Variants in CYRIB observed in about 807,000 individuals in gnomAD.
CYRIB encodes CYFIP-related Rac1 interactor B.
A neutral mutation model predicts 44.2 loss-of-function variants in CYRIB; 8 were observed. The ratio of observed to expected loss-of-function variants is 0.18; its 90% CI spans 0.11 to 0.33. CYRIB has a LOEUF of 0.33. Ranked by LOEUF, CYRIB falls within the 10% of genes least tolerant of loss-of-function variation. CYRIB has a pLI of 1.00. For synonymous variants in CYRIB, 131 were observed against 127.2 expected, an observed-to-expected ratio of 1.03 and a Z score of -0.20; for missense variants, 185 against 382.8, an observed-to-expected ratio of 0.48 and a Z score of 4.31.
intron 2 of CYRIB, among the ~76,000 whole-genome samples, chr8:129,895,932 G>T (rs1302956048): frequency 2.0e-5 from 3 of 152,086 alleles, no homozygotes; most frequent in Admixed American, 6.5e-5. Flanking sequence ...TTTCACCTTG[G>T]ATTATTTTGT....
rs549636458 is a variant in CYRIB, at chr8:129,974,347, A to G, written c.-295-3352T>C. ...TGGAAGCCTATCTATCACCCCTACCAGAAACGTTGCTTATTTTAAGAAGAA... is the reference window on the plus strand; with the variant it reads ...TGGAAGCCTATCTATCACCCCTACCGGAAACGTTGCTTATTTTAAGAAGAA... On this transcript the variant is annotated intron_variant, in intron 1 of 14. Transcript: ENST00000401979. 3.3e-5 allele frequency among the ~76,000 whole-genome samples: 5 copies of G among 152,296 alleles called. 1 individual carries two copies. The highest frequency in any genetic ancestry group is 1.2e-4 in the African/African-American group (5 of 41,582).
intron 1 of CYRIB, among the ~76,000 whole-genome samples, chr8:129,939,179 G>C (rs912243580): frequency 2.6e-5 from 4 of 151,982 alleles, no homozygotes; most frequent in Non-Finnish European, 5.9e-5. Context: ...AGCTGGGGAC[G>C]GGAACAGGGG....
chr8:129,949,696 C>G (rs567190649), intron 2 of CYRIB, among the ~76,000 whole-genome samples: 54 of 151,570 alleles, frequency 3.6e-4, no homozygotes, highest in African/African-American at 1.3e-3. Flanking sequence ...ATAGAGAAAC[C>G]CTGTCTCTAC....
chr8:129,935,511 ACAGGAGGC>A (rs2092638100), intron 1 of CYRIB, among the ~76,000 whole-genome samples: 1 of 152,212 alleles, frequency 6.6e-6, no homozygotes, highest in South Asian at 2.1e-4. Flanking sequence ...CGCTGATCTA[ACAGGAGGC>A]AGACCTCAGG....
At chr8:129,965,593 G>C (rs1190586546) in intron 2 of CYRIB, among the ~76,000 whole-genome samples, 1 of 151,790 alleles carries the variant, frequency 6.6e-6, no homozygotes, top group Non-Finnish European at 1.5e-5. Flanking sequence ...TCAGGAGATC[G>C]AGACCGTCCT....
intron 1 of CYRIB, among the ~76,000 whole-genome samples, chr8:130,000,809 G>T (rs1409372150): frequency 6.6e-6 from 1 of 152,036 alleles, no homozygotes; most frequent in Non-Finnish European, 1.5e-5. Context: ...TGGAGCTCAG[G>T]AGTTAGAGGC....
chr8:129,977,646 C>T (rs1341199700), intron 1 of CYRIB, among the ~76,000 whole-genome samples: 1 of 152,100 alleles, frequency 6.6e-6, no homozygotes, highest in Non-Finnish European at 1.5e-5. Context: ...ATTCTCCTGC[C>T]TCAGCCTCCC....
chr8:129,873,958 G>A (rs2058258471), intron 3 of CYRIB, among the ~76,000 whole-genome samples: 1 of 151,976 alleles, frequency 6.6e-6, no homozygotes, highest in Admixed American at 6.6e-5. Context: ...CTATAGAAAT[G>A]AAGACAAACA....
chr8:129,967,480 C>T (rs541708756), intron 2 of CYRIB, among the ~76,000 whole-genome samples: 7 of 151,686 alleles, frequency 4.6e-5, no homozygotes, highest in African/African-American at 1.5e-4. Context: ...CCCAGGTTCA[C>T]GCCATTCTCC....
At chr8:129,956,318 GAACTT>G (rs1460472576) in intron 2 of CYRIB, among the ~76,000 whole-genome samples, 9 of 152,010 alleles carry the variant, frequency 5.9e-5, no homozygotes, top group African/African-American at 1.9e-4. Context: ...AGTGATTCCT[GAACTT>G]AACTTGTCCT....
At chr8:129,849,080 A>G (rs1586997787) in intron 10 of CYRIB, among the ~76,000 whole-genome samples, 163 bp downstream of exon 12, 1 of 152,204 alleles carries the variant, frequency 6.6e-6, no homozygotes, top group South Asian at 2.1e-4. Flanking sequence ...ACAGGCCACA[A>G]GAAAAACAGC....
intron 4 of CYRIB, among the ~76,000 whole-genome samples, chr8:129,869,381 CAAAAAAA>C (rs572134261): frequency 0.078 from 5,796 of 74,084 alleles, 194 homozygotes; most frequent in Middle Eastern, 0.19. Flanking sequence ...AACTCTGCCT[CAAAAAAA>C]AAAAAAAAAA....
chr8:129,878,081 T>C (rs1158693972), intron 3 of CYRIB, among the ~76,000 whole-genome samples: 1 of 152,176 alleles, frequency 6.6e-6, no homozygotes, highest in Non-Finnish European at 1.5e-5. Flanking sequence ...ACTGGTAAAT[T>C]GTTGAGAAGG....
intron 1 of CYRIB, among the ~76,000 whole-genome samples, chr8:129,937,707 T>C (rs1427531449): frequency 6.6e-6 from 1 of 152,218 alleles, no homozygotes; most frequent in Non-Finnish European, 1.5e-5. Context: ...AACCAACCAC[T>C]TTCTTGGGAG....
chr8:129,988,354 T>G (rs2096538257), intron 1 of CYRIB, among the ~76,000 whole-genome samples: 2 of 152,080 alleles, frequency 1.3e-5, no homozygotes, highest in Admixed American at 1.3e-4. Context: ...GAGTGATGCA[T>G]CTCCTTAAGC....
At chr8:129,967,889 A>G (rs1045796447) in intron 2 of CYRIB, among the ~76,000 whole-genome samples, 2 of 152,142 alleles carry the variant, frequency 1.3e-5, no homozygotes, top group East Asian at 1.9e-4. Context: ...CTCTATGTAG[A>G]TGTAAGTAGT....
intron 2 of CYRIB, chr8:129,896,972 A>G (rs2135392920): frequency 6.6e-6 from 1 of 152,342 alleles, no homozygotes; most frequent in East Asian, 1.9e-4. Context: ...GCTTTCTCTC[A>G]TAATTTGAGT....
At chr8:129,991,133 GAA>G (rs35682865) in intron 1 of CYRIB, among the ~76,000 whole-genome samples, 135 of 67,750 alleles carry the variant, frequency 2.0e-3, no homozygotes, top group Middle Eastern at 7.6e-3. Flanking sequence ...CTCTGTCTCA[GAA>G]AAAAAAAAAA....
At chr8:129,939,657 G>A (rs1475719381) in exon 1 of CYRIB, 1 of 152,304 alleles carries the variant, frequency 6.6e-6, no homozygotes, top group Non-Finnish European at 1.5e-5. Context: ...GCGCCCTCCT[G>A]GAGCCGCAGA....
Sources: gnomAD v4.1 joint callset for allele counts (sites outside exome capture counted in the v4.1 genomes callset) on GRCh38, gnomAD v4.1.1 for gene constraint, MANE v1.5 for transcripts, NCBI Gene and HGNC (gene_info 2026-07-23, HGNC 2026-07-21) for gene names.